DCPS: variants seen among roughly 807,000 people sequenced by gnomAD.
DCPS encodes decapping enzyme, scavenger.
A neutral mutation model predicts 34.7 loss-of-function variants in DCPS; 27 were observed. The ratio of observed to expected loss-of-function variants is 0.78; its 90% CI spans 0.57 to 1.07. DCPS has a LOEUF of 1.07. DCPS is among the 50% of genes least tolerant of loss of function. DCPS has a pLI of 0.00. For synonymous variants in DCPS, 185 were observed against 185.7 expected, an observed-to-expected ratio of 1.00 and a Z score of 0.03; for missense variants, 464 against 436.9, an observed-to-expected ratio of 1.06 and a Z score of -0.55.
rs1951718290 is a variant in DCPS, at chr11:126,322,899, C to A, written c.377-8506C>A. Among the ~76,000 whole-genome samples, 2 of 152,208 alleles carry A rather than the reference C, an allele frequency of 1.3e-5. No homozygotes were observed. Among genetic ancestry groups the A allele is most frequent in the Admixed American group, 6.5e-5 (1 of 15,280 alleles). The stretch of plus-strand genomic sequence containing the variant: ...TTGGAGTCCAGTGGTACAGTCATAG[C>A]TCATGGCAGCCTCAAACTCCCGAGT... On this transcript the variant is annotated intron_variant, in intron 2 of 5. Transcript: ENST00000263579. The surrounding 1 kb of genome is among the most constrained non-coding windows in gnomAD (Gnocchi z 4.2).
Position 126,342,536 on chromosome 11 carries a change from T to G in DCPS, c.637-771T>G, listed in dbSNP as rs1000809325. Reference sequence around the variant, plus strand: ...GAGTCTTTGCTCTGTTTCCTCTACCTGAATACCCTTTCTCCAAATTCTACC... The same window carrying G: ...GAGTCTTTGCTCTGTTTCCTCTACCGGAATACCCTTTCTCCAAATTCTACC... On this transcript the variant is annotated intron_variant, in intron 4 of 5. Transcript: ENST00000263579. This position sits in a 1 kb window ranked among gnomAD's most constrained non-coding sequence, Gnocchi z 4.4. Among the ~76,000 whole-genome samples the G allele has an allele frequency of 1.3e-5, 2 of 152,188 alleles. No homozygotes were observed. The highest frequency in any genetic ancestry group is 2.9e-5 in the Non-Finnish European group (2 of 68,032).
At chr11:126,307,865 A>G (rs1490776207) in intron 2 of DCPS, among the ~76,000 whole-genome samples, 1 of 152,234 alleles carries the variant, frequency 6.6e-6, no homozygotes, top group Non-Finnish European at 1.5e-5. Context: ...TTGAAAGGTT[A>G]AATAACTTGT....
intron 4 of DCPS, among the ~76,000 whole-genome samples, chr11:126,339,233 G>C (rs1951858440): frequency 6.6e-6 from 1 of 152,226 alleles, no homozygotes; most frequent in Non-Finnish European, 1.5e-5. Context: ...TGGGTGCTGG[G>C]AGCAGACAGA....
At position 126,349,416 on chromosome 11, in the gene DCPS, G is replaced by A. The variant is rs1376323092; in HGVS notation, c.*3803G>A. 6.6e-6 allele frequency among the ~76,000 whole-genome samples: 1 copy of A among 152,206 alleles called. No individual in the cohort carries two copies. Among genetic ancestry groups the A allele is most frequent in the Non-Finnish European group, 1.5e-5 (1 of 68,026 alleles). On this transcript the variant is annotated 3_prime_UTR_variant, in exon 6 of 6. Transcript: ENST00000263579. This position sits in a 1 kb window ranked among gnomAD's most constrained non-coding sequence, Gnocchi z 5.4. ...CATTCTTTCTGGCTTGGTTGGAGAA[G>A]GAAAGAAGCAGTTGGAGGCATGACT... is the stretch of plus-strand genomic sequence containing the variant.
intron 4 of DCPS, among the ~76,000 whole-genome samples, chr11:126,339,687 C>T (rs1184294199): frequency 6.6e-6 from 1 of 152,362 alleles, no homozygotes; most frequent in East Asian, 1.9e-4. Context: ...GGGACGCCTG[C>T]ATCCACTCTG....
In DCPS at chr11:126,320,437, C is replaced by T. The variant is rs1423098047; in HGVS notation, c.377-10968C>T. On this transcript the variant is annotated intron_variant, in intron 2 of 5. Coordinates refer to ENST00000263579, the MANE Select transcript of DCPS (RefSeq NM_014026.6). This position sits in a 1 kb window ranked among gnomAD's most constrained non-coding sequence, Gnocchi z 4.7. ...TAGTGCAAAGGGGACAGTTTGAATG[C>T]CCACCTACTTCCTTTATAGCCTGCT... Among the ~76,000 whole-genome samples, 4 of 152,108 alleles carry T rather than the reference C, an allele frequency of 2.6e-5. No individual in the cohort carries two copies.
In DCPS at chr11:126,335,637, T is replaced by C. The variant is rs1056430638; in HGVS notation, c.523-2649T>C. ...ACTTGCATTCTTCTTAACTGTAAAA[T>C]GGGGACAATGTCCAGGCGCGGTGGC... On this transcript the variant is annotated intron_variant, in intron 3 of 5. Coordinates refer to ENST00000263579, the MANE Select transcript of DCPS (RefSeq NM_014026.6). This position sits in a 1 kb window ranked among gnomAD's most constrained non-coding sequence, Gnocchi z 4.8. Among the ~76,000 whole-genome samples the C allele has an allele frequency of 6.6e-6, 1 of 152,164 alleles. No homozygotes were observed. Among genetic ancestry groups the C allele is most frequent in the Non-Finnish European group, 1.5e-5 (1 of 68,038 alleles).
In DCPS at chr11:126,338,026, C is replaced by T. The variant is rs1951846072; in HGVS notation, c.523-260C>T. The stretch of plus-strand genomic sequence containing the variant: ...CTATGCTGACCAGGAAGAGCCTGGC[C>T]CCTTCCAAGCTGCAGAGACCCTTGT... On this transcript the variant is annotated intron_variant, in intron 3 of 5. Transcript: ENST00000263579. The surrounding 1 kb of genome is among the most constrained non-coding windows in gnomAD (Gnocchi z 5.4). 5 of 499,160 alleles carry T rather than the reference C, an allele frequency of 1.0e-5. No individual in the cohort carries two copies. The highest frequency in any genetic ancestry group is 5.6e-4 in the Middle Eastern group (1 of 1,774). 30.9% of individuals were successfully genotyped at this position (499,160 alleles called of 1,614,324 possible). A position where few individuals can be genotyped will look rare whatever the true frequency, so the allele number is the denominator to read the frequency against.
Position 126,347,996 on chromosome 11 carries a change from C to T in DCPS, c.*2383C>T, listed in dbSNP as rs531314629. 2.6e-5 allele frequency among the ~76,000 whole-genome samples: 4 copies of T among 152,128 alleles called. No homozygotes were observed. The highest frequency in any genetic ancestry group is 3.2e-3 in the Middle Eastern group (1 of 316). On this transcript the variant is annotated 3_prime_UTR_variant, in exon 6 of 6. Coordinates refer to ENST00000263579, the MANE Select transcript of DCPS (RefSeq NM_014026.6). This position sits in a 1 kb window ranked among gnomAD's most constrained non-coding sequence, Gnocchi z 4.2. ...CCAGTGGTGCTGCTGGAGGGTCTGA[C>T]TCCACGGGCTCCCGCTGACCTTGCC...
rs548831967 is a variant in DCPS, at chr11:126,342,764, C to G, written c.637-543C>G. 6.6e-6 allele frequency among the ~76,000 whole-genome samples: 1 copy of G among 152,192 alleles called. No homozygotes were observed. The highest frequency in any genetic ancestry group is 2.1e-4 in the South Asian group (1 of 4,818). On this transcript the variant is annotated intron_variant, in intron 4 of 5. Coordinates refer to ENST00000263579, the MANE Select transcript of DCPS (RefSeq NM_014026.6). The surrounding 1 kb of genome is among the most constrained non-coding windows in gnomAD (Gnocchi z 4.4). ...TCTTGAACCTCCTGGCTCCCTGCCC[C>G]GACAGCTCTGGGGAGTGAGCATATA...
chr11:126,328,972 G>A lies in DCPS; in HGVS notation c.377-2433G>A, dbSNP rs188400949. ...GTGTCAGTCACTAGCCTGAGGTTAC[G>A]CCACTAATAAGTGCAGAGCCAGGAC... On this transcript the variant is annotated intron_variant, in intron 2 of 5. Coordinates refer to ENST00000263579, the MANE Select transcript of DCPS (RefSeq NM_014026.6). This position sits in a 1 kb window ranked among gnomAD's most constrained non-coding sequence, Gnocchi z 6.6. 3.6e-4 allele frequency among the ~76,000 whole-genome samples: 55 copies of A among 152,266 alleles called. 1 individual carries two copies. Among genetic ancestry groups the A allele is most frequent in the Admixed American group, 2.7e-3 (42 of 15,302 alleles).
chr11:126,314,492 T>C (rs1032761210), intron 2 of DCPS, among the ~76,000 whole-genome samples: 6 of 151,372 alleles, frequency 4.0e-5, no homozygotes, highest in African/African-American at 1.5e-4. Context: ...CTACTAGGTA[T>C]CTACCCAGAG....
intron 2 of DCPS, among the ~76,000 whole-genome samples, chr11:126,309,923 C>T (rs958969105): frequency 6.6e-6 from 1 of 152,220 alleles, no homozygotes; most frequent in Non-Finnish European, 1.5e-5. Context: ...CTCCTTCCTT[C>T]TTCTTTTTCT....
At chr11:126,317,940 A>G (rs1399910670) in intron 2 of DCPS, among the ~76,000 whole-genome samples, 3 of 152,066 alleles carry the variant, frequency 2.0e-5, no homozygotes, top group Admixed American at 6.6e-5. Flanking sequence ...CTCTCTATCC[A>G]TTGTAACTGA....
rs574604734 is a variant in DCPS at position 126,337,937 on chromosome 11, A to AG, written c.523-344dup. On this transcript the variant is annotated intron_variant, in intron 3 of 5. Transcript: ENST00000263579. This position sits in a 1 kb window ranked among gnomAD's most constrained non-coding sequence, Gnocchi z 5.3. ...TTCCCCTGAGTCCTGTGAGCGGTGG[A>AG]GGGGGTCACTGCTATAGAGGGCAGA... The AG allele has an allele frequency of 3.7e-5, 9 of 245,424 alleles. No homozygotes were observed. Among genetic ancestry groups the AG allele is most frequent in the Non-Finnish European group, 6.4e-5 (8 of 124,128 alleles). 15.2% of individuals were successfully genotyped at this position (245,424 alleles called of 1,614,324 possible). A position where few individuals can be genotyped will look rare whatever the true frequency, so the allele number is the denominator to read the frequency against.
rs145862273 is a variant in DCPS at position 126,320,825 on chromosome 11, C to T, written c.377-10580C>T. On this transcript the variant is annotated intron_variant, in intron 2 of 5. Coordinates refer to ENST00000263579, the MANE Select transcript of DCPS (RefSeq NM_014026.6). The surrounding 1 kb of genome is among the most constrained non-coding windows in gnomAD (Gnocchi z 4.7). ...CAACAAAATTTCCAAACCTAGGATA[C>T]GTAGGGAGGAGCAGTAACTGGATCT... Among the ~76,000 whole-genome samples, 307 of 152,168 alleles carry T rather than the reference C, an allele frequency of 2.0e-3. 3 individuals carry two copies. The highest frequency in any genetic ancestry group is 6.9e-3 in the African/African-American group (285 of 41,504).
Position 126,328,888 on chromosome 11 carries a change from G to A in DCPS, c.377-2517G>A, listed in dbSNP as rs1951760594. On this transcript the variant is annotated intron_variant, in intron 2 of 5. Transcript: ENST00000263579. The surrounding 1 kb of genome is among the most constrained non-coding windows in gnomAD (Gnocchi z 6.6). ...TTTAATTCTCCCAACAGCCCTGGAAGGTAGGTGCTGTTATTGTTACCCCAG... is the reference window on the plus strand; with the variant it reads ...TTTAATTCTCCCAACAGCCCTGGAAAGTAGGTGCTGTTATTGTTACCCCAG... 1.3e-5 allele frequency among the ~76,000 whole-genome samples: 2 copies of A among 152,226 alleles called. No individual in the cohort carries two copies. The highest frequency in any genetic ancestry group is 6.5e-5 in the Admixed American group (1 of 15,288).
Position 126,322,162 on chromosome 11 carries a change from C to T in DCPS, c.377-9243C>T, listed in dbSNP as rs954283332. Among the ~76,000 whole-genome samples the T allele has an allele frequency of 6.6e-6, 1 of 152,224 alleles. No individual in the cohort carries two copies. Among genetic ancestry groups the T allele is most frequent in the East Asian group, 1.9e-4 (1 of 5,202 alleles). On this transcript the variant is annotated intron_variant, in intron 2 of 5. Transcript: ENST00000263579. This position sits in a 1 kb window ranked among gnomAD's most constrained non-coding sequence, Gnocchi z 4.2. ...ATAAAACCACTTTGAGATCCAACCA[C>T]ACCATCAGGGCATTGGAGACAGAAG...
In DCPS at chr11:126,345,593, C is replaced by T. The variant is rs1401692412; in HGVS notation, c.994C>T (p.Gln332Ter). Residue 332 changes from glutamine (Q) to a stop codon, truncating the protein, a stop_gained, in exon 6 of 6, where the codon CAG (glutamine) becomes TAG (stop). Transcript: ENST00000263579. LOFTEE classifies it high-confidence loss of function. This position sits in a 1 kb window ranked among gnomAD's most constrained non-coding sequence, Gnocchi z 7.4. ...RADDPLLKLL[Q>*]EAQQS ...TGACGACCCCCTGCTCAAGCTCTTG[C>T]AGGAGGCTCAGCAAAGCTGAATTAA... 5.6e-6 allele frequency: 9 copies of T among 1,613,242 alleles called. No homozygotes were observed. Among genetic ancestry groups the T allele is most frequent in the Non-Finnish European group, 6.8e-6 (8 of 1,179,928 alleles).
Sources: gnomAD v4.1 joint callset for allele counts (sites outside exome capture counted in the v4.1 genomes callset) on GRCh38, gnomAD v4.1.1 for gene constraint, Gnocchi (gnomAD v3.1) non-coding constraint, MANE v1.5 for transcripts, NCBI Gene and HGNC (gene_info 2026-07-23, HGNC 2026-07-21) for gene names.